B3GALT1: variants seen among roughly 807,000 people sequenced by gnomAD.
The protein encoded by B3GALT1 is UDP-Gal:betaGlcNAc beta 1,3-galactosyltransferase, polypeptide 1.
Under a neutral mutation model 23.2 loss-of-function variants are expected in B3GALT1, and 10 were observed. The observed-to-expected ratio is 0.43, with a 90% confidence interval of 0.27 to 0.73. The LOEUF (loss-of-function observed/expected upper bound fraction) is 0.73. B3GALT1 is among the 30% of genes least tolerant of loss of function. The probability of loss-of-function intolerance (pLI) is 0.21; values close to 1 mark genes in which losing one functional copy is unlikely to be tolerated. For missense variants in B3GALT1, 299 were observed against 405.4 expected, an observed-to-expected ratio of 0.74 and a Z score of 2.25; for synonymous variants, 156 against 141.5, an observed-to-expected ratio of 1.10 and a Z score of -0.73.
chr2:167,516,139 C>G (rs1277745495), intron 2 of B3GALT1, among the ~76,000 whole-genome samples: 1 of 152,086 alleles, frequency 6.6e-6, no homozygotes, highest in Non-Finnish European at 1.5e-5. Context: ...GATCCTATCT[C>G]TAGCTAGAAG....
At chr2:167,766,417 A>G (rs1474378057) in intron 3 of B3GALT1, among the ~76,000 whole-genome samples, 1 of 152,206 alleles carries the variant, frequency 6.6e-6, no homozygotes, top group Non-Finnish European at 1.5e-5. Context: ...GAATGGAGAG[A>G]TGAAAATTAA....
chr2:167,837,481 C>A (rs1378553945), intron 4 of B3GALT1, among the ~76,000 whole-genome samples: 1 of 151,642 alleles, frequency 6.6e-6, no homozygotes, highest in African/African-American at 2.4e-5. Flanking sequence ...AGCTAACTAT[C>A]CTAAATATAT....
chr2:167,456,159 G>A (rs1218019049), intron 1 of B3GALT1, among the ~76,000 whole-genome samples: 3 of 152,318 alleles, frequency 2.0e-5, no homozygotes, highest in East Asian at 3.9e-4. Context: ...TGCTTCTGGT[G>A]AGGGCCTCAG....
chr2:167,690,175 A>C (rs1367905946), intron 3 of B3GALT1, among the ~76,000 whole-genome samples: 2 of 152,076 alleles, frequency 1.3e-5, no homozygotes, highest in Admixed American at 6.6e-5. Context: ...TGACAAAAAC[A>C]ATCAATTTAA....
chr2:167,669,177 T>G (rs879799325), intron 3 of B3GALT1, among the ~76,000 whole-genome samples: 1 of 152,242 alleles, frequency 6.6e-6, no homozygotes, highest in Non-Finnish European at 1.5e-5. Context: ...TACTTTTTAC[T>G]GTTTTTTTCT....
intron 1 of B3GALT1, among the ~76,000 whole-genome samples, chr2:167,442,706 G>A (rs1259453120): frequency 0.015 from 2,185 of 147,662 alleles, 26 homozygotes; most frequent in Non-Finnish European, 0.016. Context: ...CATGTCCTTC[G>A]CCCACTTTTT....
At chr2:167,615,648 TAAA>T (rs113010673) in intron 2 of B3GALT1, among the ~76,000 whole-genome samples, 5,010 of 151,868 alleles carry the variant, frequency 0.033, 160 homozygotes, top group African/African-American at 0.08. Flanking sequence ...TTTTGTCAAT[TAAA>T]AAATAAAAAA....
chr2:167,525,406 T>C, intron 2 of B3GALT1, among the ~76,000 whole-genome samples: 1 of 152,094 alleles, frequency 6.6e-6, no homozygotes, highest in Non-Finnish European at 1.5e-5. Context: ...ATAAACAATA[T>C]TTTAATAAAC....
chr2:167,743,321 A>G (rs540086347), intron 3 of B3GALT1, among the ~76,000 whole-genome samples: 3 of 152,198 alleles, frequency 2.0e-5, no homozygotes, highest in East Asian at 3.9e-4. Context: ...ATTTTTTTCT[A>G]AAGAGGTTAA....
chr2:167,567,845 C>T (rs1423298003), intron 2 of B3GALT1, among the ~76,000 whole-genome samples: 2 of 152,112 alleles, frequency 1.3e-5, no homozygotes, highest in African/African-American at 2.4e-5. Context: ...TAGTATCATG[C>T]AGAATAGTTT....
intron 4 of B3GALT1, among the ~76,000 whole-genome samples, chr2:167,835,496 G>C (rs1254087337): frequency 6.6e-6 from 1 of 152,238 alleles, no homozygotes; most frequent in African/African-American, 2.4e-5. Context: ...ACCCACCATT[G>C]CCCATGCTTG....
chr2:167,524,170 A>G (rs951053454), intron 2 of B3GALT1, among the ~76,000 whole-genome samples: 1 of 152,120 alleles, frequency 6.6e-6, no homozygotes, highest in Non-Finnish European at 1.5e-5. Flanking sequence ...CAAAAATTGT[A>G]TATTGTATTT....
chr2:167,683,445 G>C (rs1196180418), intron 3 of B3GALT1, among the ~76,000 whole-genome samples: 1 of 152,164 alleles, frequency 6.6e-6, no homozygotes, highest in Non-Finnish European at 1.5e-5. Context: ...ACACATCCAA[G>C]GGGCCAGGCA....
intron 3 of B3GALT1, among the ~76,000 whole-genome samples, chr2:167,794,979 A>G (rs569798938): frequency 1.6e-4 from 24 of 152,308 alleles, no homozygotes; most frequent in Admixed American, 9.8e-4. Context: ...AATACATTTC[A>G]TAGCCTCAAG....
chr2:167,309,377 T>C (rs1696601048), intron 1 of B3GALT1, among the ~76,000 whole-genome samples: 1 of 152,062 alleles, frequency 6.6e-6, no homozygotes, highest in Non-Finnish European at 1.5e-5. Flanking sequence ...AATGAAGAAA[T>C]AGATAATATA....
chr2:167,545,091 G>A (rs1317926668), intron 2 of B3GALT1, among the ~76,000 whole-genome samples: 10 of 128,044 alleles, frequency 7.8e-5, no homozygotes, highest in Admixed American at 5.7e-4. Context: ...CTGGAGTGCA[G>A]TGGCACGATC....
chr2:167,405,886 TAG>T lies in B3GALT1; in HGVS notation c.-510-84288_-510-84287del, dbSNP rs543587066. Among the ~76,000 whole-genome samples, 69 of 152,170 alleles carry T rather than the reference TAG, an allele frequency of 4.5e-4. 1 individual carries two copies. In the South Asian group the frequency reaches 0.011, roughly 23 times the overall value. On this transcript the variant is annotated intron_variant, in intron 1 of 4. Transcript: ENST00000392690. Reference sequence around the variant, plus strand: ...GAATTATATACTCTAAGGACTCAAATAGAGTTATATTCAACAAATACTATTGA... The same window carrying T: ...GAATTATATACTCTAAGGACTCAAATAGTTATATTCAACAAATACTATTGA...
At chr2:167,387,540 G>A (rs2105280263) in intron 1 of B3GALT1, among the ~76,000 whole-genome samples, 1 of 152,290 alleles carries the variant, frequency 6.6e-6, no homozygotes, top group African/African-American at 2.4e-5. Context: ...AGAAAACTGA[G>A]CCATTTAACT....
At chr2:167,390,400 T>C (rs1040899472) in intron 1 of B3GALT1, among the ~76,000 whole-genome samples, 1 of 152,204 alleles carries the variant, frequency 6.6e-6, no homozygotes, top group Non-Finnish European at 1.5e-5. Context: ...CCATTGCCAA[T>C]GGAAATGGAA....
Sources: gnomAD v4.1 joint callset for allele counts (sites outside exome capture counted in the v4.1 genomes callset) on GRCh38, gnomAD v4.1.1 for gene constraint, MANE v1.5 for transcripts, NCBI Gene and HGNC (gene_info 2026-07-23, HGNC 2026-07-21) for gene names.